Variants in MTMR7 observed in about 807,000 individuals in gnomAD.
MTMR7 encodes myotubularin related protein 7.
Under a neutral mutation model 81.2 loss-of-function variants are expected in MTMR7, and 76 were observed. That is an observed-to-expected ratio of 0.94 (90% CI 0.78 to 1.13). MTMR7 has a LOEUF of 1.13. MTMR7 is among the 50% of genes most tolerant of loss of function. MTMR7 has a pLI of 0.00. For missense variants in MTMR7, 1,044 were observed against 820.0 expected (o/e 1.27, Z -3.34); for synonymous variants, 372 against 289.8 (o/e 1.28, Z -2.88).
chr8:17,320,378 C>G (rs1266844149), intron 7 of MTMR7, among the ~76,000 whole-genome samples: 2 of 151,864 alleles, frequency 1.3e-5, no homozygotes, highest in African/African-American at 4.8e-5. Context: ...TGCATGATAG[C>G]AAGACGGAGG....
intron 3 of MTMR7, among the ~76,000 whole-genome samples, chr8:17,365,039 A>C (rs991125508): frequency 2.0e-5 from 3 of 152,222 alleles, no homozygotes; most frequent in African/African-American, 7.2e-5. Context: ...CCAACAGTGC[A>C]TAAGCATTCT....
At chr8:17,334,586 C>G (rs1390931287) in intron 6 of MTMR7, among the ~76,000 whole-genome samples, 1 of 152,200 alleles carries the variant, frequency 6.6e-6, no homozygotes, top group Non-Finnish European at 1.5e-5. Flanking sequence ...ATATCAGTGT[C>G]TTTGGGTGCA....
chr8:17,373,457 T>C (rs1820481247), intron 1 of MTMR7, among the ~76,000 whole-genome samples: 2 of 152,160 alleles, frequency 1.3e-5, no homozygotes, highest in East Asian at 3.8e-4. Flanking sequence ...AAAATATGAG[T>C]TTAAAGGTAC....
intron 7 of MTMR7, among the ~76,000 whole-genome samples, chr8:17,323,417 C>T (rs6587034): frequency 0.43 from 65,611 of 151,734 alleles, 16,249 homozygotes; most frequent in East Asian, 0.78. Context: ...TGAACAGGAA[C>T]CAAACTGAAG....
At chr8:17,387,584 G>A (rs527454348) in intron 1 of MTMR7, among the ~76,000 whole-genome samples, 11 of 152,248 alleles carry the variant, frequency 7.2e-5, no homozygotes, top group Middle Eastern at 6.8e-3. Context: ...TTAGTATATC[G>A]GTGTCCCAAG....
In MTMR7 at chr8:17,299,800, G is replaced by T. The variant is rs1362183916; in HGVS notation, c.*62C>A. 4.4e-6 allele frequency: 7 copies of T among 1,584,464 alleles called. No homozygotes were observed. Among genetic ancestry groups the T allele is most frequent in the African/African-American group, 1.4e-5 (1 of 74,042 alleles). ...TCCTGTTTTTACAATAAACCACCTT[G>T]TTCCCTTGTTTTTGGAAGTGTTGCT... On this transcript the variant is annotated 3_prime_UTR_variant, in exon 14 of 14. Coordinates refer to ENST00000180173, the MANE Select transcript of MTMR7 (RefSeq NM_004686.5).
chr8:17,381,889 T>C (rs565253141), intron 1 of MTMR7, among the ~76,000 whole-genome samples: 2 of 152,214 alleles, frequency 1.3e-5, no homozygotes, highest in Non-Finnish European at 2.9e-5. Context: ...GGGCTCTGGT[T>C]CTGGTTCTGA....
At chr8:17,308,818 G>A (rs1817631416) in intron 10 of MTMR7, among the ~76,000 whole-genome samples, 1 of 152,164 alleles carries the variant, frequency 6.6e-6, no homozygotes, top group Non-Finnish European at 1.5e-5. Flanking sequence ...GATATGTCTG[G>A]TTCTGAAGCC....
chr8:17,400,604 G>C (rs766534137), intron 1 of MTMR7, among the ~76,000 whole-genome samples: 2 of 152,074 alleles, frequency 1.3e-5, no homozygotes, highest in African/African-American at 4.8e-5. Context: ...GTTGCAATTT[G>C]ATTTTATCAA....
In MTMR7 at chr8:17,413,251, C is replaced by G; in HGVS notation, c.24+18G>C. 1.3e-6 allele frequency: 2 copies of G among 1,548,580 alleles called. No individual in the cohort carries two copies. The highest frequency in any genetic ancestry group is 1.2e-5 in the South Asian group (1 of 84,016). On this transcript the variant is annotated intron_variant, in intron 1 of 13. Coordinates refer to ENST00000180173, the MANE Select transcript of MTMR7 (RefSeq NM_004686.5). The stretch of plus-strand genomic sequence containing the variant: ...CATCTCCTCCCGTCCCTCCTCCGCC[C>G]GCGCTGGTGTCACCAACCTTGGGCG...
chr8:17,399,885 A>AC, intron 1 of MTMR7, among the ~76,000 whole-genome samples: 1 of 149,548 alleles, frequency 6.7e-6, no homozygotes, highest in African/African-American at 2.4e-5. Flanking sequence ...AAAAAAAAAA[A>AC]CCAAAAAACT....
intron 6 of MTMR7, among the ~76,000 whole-genome samples, chr8:17,339,498 G>C (rs1440584643): frequency 6.6e-6 from 1 of 152,154 alleles, no homozygotes; most frequent in African/African-American, 2.4e-5. Flanking sequence ...CCTGTTGAAA[G>C]CATTTCATGA....
intron 6 of MTMR7, among the ~76,000 whole-genome samples, chr8:17,336,423 C>G (rs1233382772): frequency 6.6e-6 from 1 of 152,138 alleles, no homozygotes. Context: ...CCCCAGTTCT[C>G]TTCACTCTGG....
At chr8:17,364,425 T>C (rs974807475) in intron 3 of MTMR7, among the ~76,000 whole-genome samples, 16 of 152,338 alleles carry the variant, frequency 1.1e-4, no homozygotes, top group Middle Eastern at 3.4e-3. Flanking sequence ...ACATTTTTTG[T>C]AACGAGAACA....
chr8:17,299,925 A>G lies in MTMR7; in HGVS notation c.1920T>C (p.His640=), dbSNP rs761167196. 18 of 1,614,128 alleles carry G rather than the reference A, an allele frequency of 1.1e-5. No homozygotes were observed. Among genetic ancestry groups the G allele is most frequent in the Middle Eastern group, 1.6e-4 (1 of 6,062 alleles). ...LSCRSPSGGE[H]APSEDSGKDR... ...CCTTGCCACTATCTTCACTCGGTGC[A>G]TGCTCACCACCACTTGGAGACCGAC... is the stretch of plus-strand genomic sequence containing the variant. Residue 640 remains histidine (H), a synonymous_variant, in exon 14 of 14, where the codon CAT becomes CAC. Transcript: ENST00000180173.
chr8:17,330,339 G>A (rs1053881955), intron 7 of MTMR7, among the ~76,000 whole-genome samples: 3 of 152,188 alleles, frequency 2.0e-5, no homozygotes, highest in African/African-American at 4.8e-5. Flanking sequence ...GCTTTCCCCA[G>A]AAGCGCAGAC....
chr8:17,302,015 A>C (rs1817149767), intron 13 of MTMR7, 139 bp downstream of exon 13: 2 of 1,107,698 alleles, frequency 1.8e-6, no homozygotes, highest in African/African-American at 3.1e-5. Context: ...CCTGACCTGG[A>C]TGGGGTTGTG....
At chr8:17,369,579 G>T (rs111632942) in intron 3 of MTMR7, among the ~76,000 whole-genome samples, 1 of 150,380 alleles carries the variant, frequency 6.6e-6, no homozygotes, top group Non-Finnish European at 1.5e-5. Flanking sequence ...CTATATAAAT[G>T]ATCTCTTTTC....
intron 4 of MTMR7, among the ~76,000 whole-genome samples, chr8:17,359,757 A>G (rs975037643): frequency 1.4e-4 from 22 of 152,324 alleles, no homozygotes; most frequent in African/African-American, 5.0e-4. Context: ...AAATTAAAAT[A>G]AGAAATCACT....
Sources: allele counts gnomAD v4.1 joint callset (sites outside exome capture counted in the v4.1 genomes callset), GRCh38; gene constraint gnomAD v4.1.1; transcripts MANE v1.5; gene names NCBI Gene and HGNC (gene_info 2026-07-23, HGNC 2026-07-21).